NVL: variants seen among roughly 807,000 people sequenced by gnomAD.
NVL encodes nuclear VCP like, also known as nuclear valosin-containing protein-like.
A neutral mutation model predicts 110.2 loss-of-function variants in NVL; 84 were observed. That is an observed-to-expected ratio of 0.76 (90% CI 0.64 to 0.91). The LOEUF is 0.91. Ranked by LOEUF, NVL falls within the 40% of genes least tolerant of loss-of-function variation. The pLI is 0.00. For synonymous variants in NVL, 354 were observed against 361.1 expected (o/e 0.98, Z 0.22); for missense variants, 882 against 1,035.9 (o/e 0.85, Z 2.04).
rs1667655554 is a variant in NVL at position 224,294,274 on chromosome 1, T to C, written c.1318A>G (p.Arg440Gly). 1 of 1,614,052 alleles carries C rather than the reference T, an allele frequency of 6.2e-7. No individual in the cohort carries two copies. The highest frequency in any genetic ancestry group is 1.3e-5 in the African/African-American group (1 of 74,924). ...CATTCTATAAGAATATACCTTTCCC[T>C]GGATGCTTCATCTGGGATACCTAGG... ...ICLGIPDEAS[R>G]ERILQTLCRK... The change falls in exon 12 of 23, where the codon AGG becomes GGG. Residue 440 changes from arginine (R) to glycine (G), a missense_variant. Arg to Gly is a moderately radical substitution (Grantham distance 125, BLOSUM62 -2). Around this residue, in one of 4 missense-constraint regions of NVL, gnomAD observed 416 missense variants for 499.3 expected, o/e 0.83. Transcript: ENST00000281701.
chr1:224,232,709 G>A (rs377366582), intron 21 of NVL, among the ~76,000 whole-genome samples: 1 of 152,128 alleles, frequency 6.6e-6, no homozygotes, highest in African/African-American at 2.4e-5. Flanking sequence ...TAAAGACACT[G>A]TCAAATGTGA....
chr1:224,243,615 G>T (rs1404142239), intron 19 of NVL, among the ~76,000 whole-genome samples: 1 of 151,618 alleles, frequency 6.6e-6, no homozygotes, highest in African/African-American at 2.4e-5. Context: ...ACAGAGTAAG[G>T]GCTTAATAAA....
chr1:224,320,822 T>G (rs569505823), intron 2 of NVL, among the ~76,000 whole-genome samples: 1 of 152,310 alleles, frequency 6.6e-6, no homozygotes, highest in African/African-American at 2.4e-5. Context: ...GTTAATTTTT[T>G]GATTTTTTTT....
chr1:224,327,304 A>T (rs1671239502), intron 1 of NVL, among the ~76,000 whole-genome samples: 1 of 152,002 alleles, frequency 6.6e-6, no homozygotes, highest in Non-Finnish European at 1.5e-5. Flanking sequence ...TTAGCCAGAC[A>T]TGGTGGTGCA....
At chr1:224,322,761 C>T (rs1362285128) in intron 2 of NVL, among the ~76,000 whole-genome samples, 1 of 152,154 alleles carries the variant, frequency 6.6e-6, no homozygotes, top group Non-Finnish European at 1.5e-5. Context: ...CAAGACCAGC[C>T]TGGGCAACAC....
intron 19 of NVL, among the ~76,000 whole-genome samples, chr1:224,247,897 T>C (rs1396300923): frequency 6.6e-6 from 1 of 152,206 alleles, no homozygotes; most frequent in African/African-American, 2.4e-5. Flanking sequence ...TAAATGTCCC[T>C]AGACATTGCC....
intron 18 of NVL, among the ~76,000 whole-genome samples, chr1:224,261,001 G>A (rs993242127): frequency 3.3e-5 from 5 of 151,854 alleles, no homozygotes; most frequent in South Asian, 2.1e-4. Flanking sequence ...TCAGCCTCCC[G>A]AGTAGCTGGG....
chr1:224,300,677 T>G lies in NVL; in HGVS notation c.961-14A>C. On this transcript the variant is annotated splice_polypyrimidine_tract_variant and intron_variant, in intron 9 of 22. Coordinates refer to ENST00000281701, the MANE Select transcript of NVL (RefSeq NM_002533.4). Reference sequence around the variant, plus strand: ...CAGGTCAAGTTCCTATGCAGACACATAAAAGAATAACCAAATATTCAAATT... The same window carrying G: ...CAGGTCAAGTTCCTATGCAGACACAGAAAAGAATAACCAAATATTCAAATT... 1.3e-6 allele frequency: 2 copies of G among 1,589,314 alleles called. No individual in the cohort carries two copies. The highest frequency in any genetic ancestry group is 1.7e-6 in the Non-Finnish European group (2 of 1,161,220).
chr1:224,302,038 G>A (rs554678781), intron 9 of NVL, among the ~76,000 whole-genome samples: 3 of 152,098 alleles, frequency 2.0e-5, no homozygotes, highest in South Asian at 2.1e-4. Flanking sequence ...TTAGAACTAC[G>A]ATTGTGGTAC....
intron 12 of NVL, among the ~76,000 whole-genome samples, chr1:224,291,317 T>C (rs6696795): frequency 0.076 from 11,542 of 152,244 alleles, 595 homozygotes; most frequent in African/African-American, 0.14. Context: ...GCGATTCTCC[T>C]GCCTCAGCCT....
At chr1:224,265,977 T>C (rs1416134431) in intron 18 of NVL, among the ~76,000 whole-genome samples, 1 of 152,218 alleles carries the variant, frequency 6.6e-6, no homozygotes, top group Admixed American at 6.5e-5. Context: ...TTGTTAACTA[T>C]GTTTCTGTAT....
intron 17 of NVL, chr1:224,269,707 T>C (rs1051355633): frequency 6.6e-6 from 1 of 152,022 alleles, no homozygotes; most frequent in Non-Finnish European, 1.5e-5. Context: ...ATAAATTTTA[T>C]GTACAGAGGT....
chr1:224,288,235 C>A (rs1303891760), intron 13 of NVL, among the ~76,000 whole-genome samples: 1 of 152,142 alleles, frequency 6.6e-6, no homozygotes, highest in Non-Finnish European at 1.5e-5. Context: ...AGAATGACTT[C>A]TATATACTAG....
chr1:224,241,404 A>C (rs1661176869), intron 19 of NVL, among the ~76,000 whole-genome samples: 3 of 152,190 alleles, frequency 2.0e-5, no homozygotes, highest in South Asian at 2.1e-4. Flanking sequence ...AGTATTTAGA[A>C]GCTTAAATTA....
chr1:224,227,698 G>C, intron 22 of NVL, 28 bp from the exon 23 acceptor site: 2 of 1,603,194 alleles, frequency 1.2e-6, no homozygotes, highest in Non-Finnish European at 1.7e-6. Context: ...ACAGAATACA[G>C]AGACCGTCAC....
chr1:224,245,789 C>G (rs533196738), intron 19 of NVL, among the ~76,000 whole-genome samples: 1 of 151,296 alleles, frequency 6.6e-6, no homozygotes, highest in Admixed American at 6.6e-5. Context: ...CCTCATTTCT[C>G]TAAAAATACA....
chr1:224,241,626 C>T (rs906141499), intron 19 of NVL, among the ~76,000 whole-genome samples: 1 of 151,844 alleles, frequency 6.6e-6, no homozygotes, highest in African/African-American at 2.4e-5. Flanking sequence ...GAGGCCGAGG[C>T]GGGTGGATCA....
At chr1:224,236,037 A>T (rs1660435321) in intron 20 of NVL, among the ~76,000 whole-genome samples, 1 of 152,220 alleles carries the variant, frequency 6.6e-6, no homozygotes, top group African/African-American at 2.4e-5. Flanking sequence ...CAAATTGGGA[A>T]AGTTAACAAA....
chr1:224,250,390 G>T (rs1277588214), intron 18 of NVL, 72 bp from the exon 19 acceptor site: 3 of 1,344,116 alleles, frequency 2.2e-6, no homozygotes, highest in Admixed American at 6.2e-5. Context: ...TTTGAGAGAG[G>T]GTCTTGTTCC....
Sources: gnomAD v4.1 joint callset for allele counts (sites outside exome capture counted in the v4.1 genomes callset) on GRCh38, gnomAD v4.1.1 for gene constraint, gnomAD v4.1.1 regional missense constraint, MANE v1.5 for transcripts, NCBI Gene and HGNC (gene_info 2026-07-23, HGNC 2026-07-21) for gene names.